Variants in ERAP2 observed in about 807,000 individuals in gnomAD.
The protein encoded by ERAP2 is endoplasmic reticulum aminopeptidase 2.
ERAP2 carries 118 observed loss-of-function variants against 111.1 expected under a neutral mutation model. The ratio of observed to expected loss-of-function variants is 1.06; its 90% CI spans 0.92 to 1.24. ERAP2 has a LOEUF of 1.24. Among genes scored for constraint, ERAP2 ranks in the 50% most tolerant of loss-of-function variants. The probability of loss-of-function intolerance (pLI) is 0.00; values close to 1 mark genes in which losing one functional copy is unlikely to be tolerated. For missense variants in ERAP2, 1,131 were observed against 1,125.8 expected, an observed-to-expected ratio of 1.00 and a Z score of -0.07; for synonymous variants, 410 against 401.2, an observed-to-expected ratio of 1.02 and a Z score of -0.26.
At chr5:96,882,324 G>A (rs1289674290) in intron 2 of ERAP2, among the ~76,000 whole-genome samples, 1 of 152,186 alleles carries the variant, frequency 6.6e-6, no homozygotes, top group Admixed American at 6.5e-5. Context: ...GAGAGGGGGA[G>A]ATATTTGGAG....
At chr5:96,889,808 T>A (rs1028240375) in intron 5 of ERAP2, among the ~76,000 whole-genome samples, 3 of 147,280 alleles carry the variant, frequency 2.0e-5, no homozygotes, top group African/African-American at 7.6e-5. Flanking sequence ...GATTAGAGAA[T>A]GGATTTTCCA....
chr5:96,895,913 A>G (rs190201195), intron 7 of ERAP2, among the ~76,000 whole-genome samples: 1 of 152,340 alleles, frequency 6.6e-6, no homozygotes, highest in Admixed American at 6.5e-5. Context: ...AGTACACTAT[A>G]GACAGACATG....
chr5:96,889,764 C>T (rs1210012063), intron 5 of ERAP2, among the ~76,000 whole-genome samples: 7 of 152,044 alleles, frequency 4.6e-5, no homozygotes, highest in Admixed American at 1.3e-4. Flanking sequence ...AAACACACCT[C>T]CCATCGTGCT....
Position 96,903,529 on chromosome 5 carries a change from G to C in ERAP2, c.1981G>C (p.Gly661Arg). 2 of 1,608,806 alleles carry C rather than the reference G, an allele frequency of 1.2e-6. No homozygotes were observed. Among genetic ancestry groups the C allele is most frequent in the Non-Finnish European group, 1.7e-6 (2 of 1,178,614 alleles). Reference sequence around the variant, plus strand: ...ACTTCTCAGACCTAAGGACAGAGTAGGTCTGATTCATGATGTGTTTCAGCT... The same window carrying C: ...ACTTCTCAGACCTAAGGACAGAGTACGTCTGATTCATGATGTGTTTCAGCT... ...HTLLRPKDRV[G>R]LIHDVFQLVG... Residue 661 changes from glycine (G) to arginine (R), a missense_variant, in exon 13 of 19, where the codon GGT becomes CGT. Physicochemically the swap from Gly to Arg is moderately radical, Grantham distance 125. Coordinates refer to ENST00000437043, the MANE Select transcript of ERAP2 (RefSeq NM_022350.5).
At chr5:96,902,537 TGGG>T in intron 12 of ERAP2, 184 bp downstream of exon 12, 2 of 519,252 alleles carry the variant, frequency 3.9e-6, no homozygotes, top group Non-Finnish European at 6.9e-6. Context: ...TTTCATTCAG[TGGG>T]AAGTTCTCTT....
intron 4 of ERAP2, 72 bp downstream of exon 4, chr5:96,886,861 T>C (rs1170723609): frequency 6.4e-6 from 8 of 1,251,376 alleles, no homozygotes; most frequent in Non-Finnish European, 8.3e-6. Flanking sequence ...TGTTTTCTCA[T>C]GTTTTTCATT....
intron 15 of ERAP2, among the ~76,000 whole-genome samples, chr5:96,912,363 T>C (rs530452078): frequency 6.6e-6 from 1 of 152,116 alleles, no homozygotes; most frequent in Non-Finnish European, 1.5e-5. Flanking sequence ...ATTTGTTGAT[T>C]ACATCAACTT....
chr5:96,888,876 G>A (rs753174073), intron 4 of ERAP2, among the ~76,000 whole-genome samples: 1 of 152,152 alleles, frequency 6.6e-6, no homozygotes, highest in Non-Finnish European at 1.5e-5. Flanking sequence ...TCATAGAGAC[G>A]AACTCAAGTG....
At chr5:96,909,147 G>C in intron 14 of ERAP2, 30 bp downstream of exon 14, 3 of 1,593,674 alleles carry the variant, frequency 1.9e-6, no homozygotes, top group East Asian at 2.2e-5. Flanking sequence ...AATGTATTAA[G>C]TAAATACACA....
At chr5:96,882,361 CT>C (rs1783231009) in intron 2 of ERAP2, among the ~76,000 whole-genome samples, 1 of 152,140 alleles carries the variant, frequency 6.6e-6, no homozygotes, top group African/African-American at 2.4e-5. Flanking sequence ...TCCAGCATGC[CT>C]CCCGTGATTA....
chr5:96,898,171 G>C (rs1282100694), intron 9 of ERAP2, among the ~76,000 whole-genome samples: 1 of 151,874 alleles, frequency 6.6e-6, no homozygotes, highest in African/African-American at 2.4e-5. Context: ...ACTCCAGCCT[G>C]GGTGACAGAG....
intron 3 of ERAP2, among the ~76,000 whole-genome samples, chr5:96,885,785 G>T (rs1783658536): frequency 6.6e-6 from 1 of 152,134 alleles, no homozygotes; most frequent in South Asian, 2.1e-4. Flanking sequence ...TTCAGTATTT[G>T]GGGGCATTGT....
chr5:96,904,854 C>T (rs926487427), intron 13 of ERAP2, among the ~76,000 whole-genome samples: 33 of 152,140 alleles, frequency 2.2e-4, no homozygotes, highest in Admixed American at 4.6e-4. Context: ...TGGTGGAAAA[C>T]TAATCATCTT....
chr5:96,892,359 A>G lies in ERAP2; in HGVS notation c.1031A>G (p.Tyr344Cys), dbSNP rs762260525. The change falls in exon 6 of 19, where the codon TAT becomes TGT. Residue 344 changes from tyrosine (Y) to cysteine (C), a missense_variant. By Grantham distance (194) the Tyr-to-Cys change is radical. Transcript: ENST00000437043. ...ATGGAAAATTGGGGCCTCATTACAT[A>G]TAGGGAGACGTCACTGCTTTTTGAC... ...GAMENWGLIT[Y>C]RETSLLFDPK... The G allele has an allele frequency of 8.9e-5, 143 of 1,613,942 alleles. No homozygotes were observed. Among genetic ancestry groups the G allele is most frequent in the Middle Eastern group, 8.2e-4 (5 of 6,082 alleles).
At chr5:96,886,840 C>G in intron 4 of ERAP2, 51 bp downstream of exon 4, 1 of 1,336,088 alleles carries the variant, frequency 7.5e-7, no homozygotes, top group Non-Finnish European at 9.7e-7. Flanking sequence ...GTCCTGAGAG[C>G]AATGAACTTT....
intron 18 of ERAP2, among the ~76,000 whole-genome samples, chr5:96,916,025 AGCCT>A (rs1160528057): frequency 1.3e-5 from 2 of 152,142 alleles, no homozygotes; most frequent in African/African-American, 4.8e-5. Flanking sequence ...GTTCGAGACC[AGCCT>A]GGCCAATATG....
At chr5:96,883,496 C>A (rs1049361882) in intron 2 of ERAP2, among the ~76,000 whole-genome samples, 1 of 152,164 alleles carries the variant, frequency 6.6e-6, no homozygotes, top group South Asian at 2.1e-4. Flanking sequence ...TTACTGGCTG[C>A]GGATCCTGCT....
chr5:96,881,457 C>A, intron 2 of ERAP2: 1 of 456,148 alleles, frequency 2.2e-6, no homozygotes, highest in South Asian at 1.5e-5. Context: ...GCTTGGTTTC[C>A]CAGGGCCAGG....
Position 96,883,873 on chromosome 5 carries a change from C to T in ERAP2, c.657C>T (p.Asn219=). The T allele has an allele frequency of 1.2e-6, 2 of 1,613,784 alleles. No individual in the cohort carries two copies. Among genetic ancestry groups the T allele is most frequent in the Middle Eastern group, 1.7e-4 (1 of 6,058 alleles). The change falls in exon 3 of 19, where the codon AAC becomes AAT. Residue 219 remains asparagine (N), a synonymous_variant. Coordinates refer to ENST00000437043, the MANE Select transcript of ERAP2 (RefSeq NM_022350.5). ...PCFDEPLFKA[N]FSIKIRRESR... is the part of the protein sequence containing the mutation. ...TTGATGAACCGTTGTTCAAAGCCAA[C>T]TTTTCAATCAAGATACGAAGAGAGA...
Sources: allele counts gnomAD v4.1 joint callset (sites outside exome capture counted in the v4.1 genomes callset), GRCh38; gene constraint gnomAD v4.1.1; transcripts MANE v1.5; gene names NCBI Gene and HGNC (gene_info 2026-07-23, HGNC 2026-07-21).